CCNH: variants seen among roughly 807,000 people sequenced by gnomAD.
The protein encoded by CCNH is cyclin-H.
In CCNH, 31 loss-of-function variants were observed where a neutral mutation model predicts 41.9. The ratio of observed to expected loss-of-function variants is 0.74; its 90% CI spans 0.56 to 1.00. The LOEUF is 1.00. Among genes scored for constraint, CCNH ranks in the 50% least tolerant of loss-of-function variants. The probability of loss-of-function intolerance (pLI) is 0.00; values close to 1 mark genes in which losing one functional copy is unlikely to be tolerated. For missense variants in CCNH, 362 were observed against 388.4 expected (o/e 0.93, Z 0.57); for synonymous variants, 138 against 136.1 (o/e 1.01, Z -0.10).
At chr5:87,313,414 G>A in the CCNH span, among the ~76,000 whole-genome samples, 3 of 152,134 alleles carry the variant, frequency 2.0e-5, no homozygotes, top group African/African-American at 4.8e-5. Context: ...GTGAGAAATA[G>A]CTTGAATGGG....
chr5:87,375,987 C>T (rs1761298669), downstream of CCNH, among the ~76,000 whole-genome samples: 1 of 152,146 alleles, frequency 6.6e-6, no homozygotes, highest in African/African-American at 2.4e-5. Flanking sequence ...CTTAGCTACA[C>T]CTCTAGATCT....
intron 9 of CCNH, chr5:87,353,151 T>C: frequency 6.2e-7 from 1 of 1,602,980 alleles, no homozygotes; most frequent in Non-Finnish European, 8.5e-7. Context: ...ATTTTTATTT[T>C]AACAGCATTG....
chr5:87,354,335 G>A (rs1759495715), intron 9 of CCNH, among the ~76,000 whole-genome samples: 1 of 152,016 alleles, frequency 6.6e-6, no homozygotes, highest in Non-Finnish European at 1.5e-5. Flanking sequence ...TCCAAAGCAG[G>A]TGCTCATTTG....
At chr5:87,368,666 C>T (rs1760707174) in intron 9 of CCNH, among the ~76,000 whole-genome samples, 1 of 152,128 alleles carries the variant, frequency 6.6e-6, no homozygotes, top group African/African-American at 2.4e-5. Context: ...GAAATTCATT[C>T]TTTTTTCTCC....
At chr5:87,353,317 A>G in intron 9 of CCNH, 2 of 1,108,674 alleles carry the variant, frequency 1.8e-6, no homozygotes. Context: ...ACACATTTGT[A>G]CAATTCAAAT....
chr5:87,362,747 A>G (rs955397091), intron 9 of CCNH: 3 of 1,494,538 alleles, frequency 2.0e-6, no homozygotes. Flanking sequence ...ATTGTGATAT[A>G]TATTTAATAA....
downstream of CCNH, among the ~76,000 whole-genome samples, chr5:87,315,000 G>T (rs1756213462): frequency 6.6e-6 from 1 of 152,086 alleles, no homozygotes; most frequent in Admixed American, 6.5e-5. Context: ...CTTTTTGAGG[G>T]CATTATATTT....
intron 9 of CCNH, among the ~76,000 whole-genome samples, chr5:87,324,741 C>A (rs1757097239): frequency 6.6e-6 from 1 of 152,042 alleles, no homozygotes; most frequent in Non-Finnish European, 1.5e-5. Context: ...CCTCTTCTCC[C>A]CTTCCTCAAG....
intron 9 of CCNH, among the ~76,000 whole-genome samples, chr5:87,338,536 A>ATATATATTTTTTTTTTTTTT: frequency 2.3e-5 from 2 of 85,220 alleles, no homozygotes; most frequent in African/African-American, 8.8e-5. Flanking sequence ...TATATATAAA[A>ATATATATTTTTTTTTTTTTT]TTTTTTTTTT....
intron 9 of CCNH, among the ~76,000 whole-genome samples, chr5:87,342,927 G>C (rs1317832443): frequency 6.6e-6 from 1 of 152,064 alleles, no homozygotes; most frequent in Non-Finnish European, 1.5e-5. Context: ...TTTTCTCATA[G>C]TATAAAATAT....
At chr5:87,385,415 TG>T in intron 9 of CCNH, 1 of 1,510,072 alleles carries the variant, frequency 6.6e-7, no homozygotes, top group African/African-American at 1.4e-5. Flanking sequence ...TACTTTAAAA[TG>T]TAATTTATGA....
At chr5:87,340,259 G>C (rs942724890) in intron 9 of CCNH, among the ~76,000 whole-genome samples, 1 of 152,014 alleles carries the variant, frequency 6.6e-6, no homozygotes, top group Non-Finnish European at 1.5e-5. Context: ...TGCCTTTCTG[G>C]AGTCTCTTAG....
At chr5:87,404,185 T>G (rs1763623647) in intron 5 of CCNH, among the ~76,000 whole-genome samples, 1 of 152,200 alleles carries the variant, frequency 6.6e-6, no homozygotes, top group Non-Finnish European at 1.5e-5. Flanking sequence ...ATGTCTGTAA[T>G]CAGGAATATT....
rs1332666017 is a variant in CCNH at position 87,396,699 on chromosome 5, T to C, written c.873-1595A>G. On this transcript the variant is annotated intron_variant, in intron 7 of 8. Transcript: ENST00000256897. ...GCAATACAGATGAAATATAAGTGAC[T>C]GTTAAGTATGGAAAGTTCAATGTCC... Among the ~76,000 whole-genome samples, 3 of 152,076 alleles carry C rather than the reference T, an allele frequency of 2.0e-5. No homozygotes were observed. In the East Asian group the frequency reaches 5.8e-4, roughly 29 times the overall value.
At chr5:87,336,558 G>A (rs1437566987) in intron 9 of CCNH, among the ~76,000 whole-genome samples, 1 of 152,006 alleles carries the variant, frequency 6.6e-6, no homozygotes, top group Non-Finnish European at 1.5e-5. Context: ...AAATAATATA[G>A]AATGAGTTAT....
intron 8 of CCNH, 58 bp from the exon 9 acceptor site, chr5:87,394,542 C>T: frequency 6.3e-7 from 1 of 1,597,684 alleles, no homozygotes; most frequent in East Asian, 2.2e-5. Flanking sequence ...GTATTGTTTA[C>T]CTCTTACCTC....
chr5:87,332,548 G>A, intron 9 of CCNH: 1 of 1,607,734 alleles, frequency 6.2e-7, no homozygotes, highest in Non-Finnish European at 8.5e-7. Context: ...GGTGGAAGAC[G>A]TTTTTCTTCA....
chr5:87,357,704 C>A (rs1324079934), intron 9 of CCNH, among the ~76,000 whole-genome samples: 2 of 149,888 alleles, frequency 1.3e-5, no homozygotes, highest in Non-Finnish European at 3.0e-5. Flanking sequence ...GATTCCATCT[C>A]AAAAAAAAAG....
chr5:87,393,073 A>AG (rs199781768), downstream of CCNH, among the ~76,000 whole-genome samples: 1,122 of 151,704 alleles, frequency 7.4e-3, 18 homozygotes, highest in African/African-American at 0.025. Context: ...CTCTGGAATG[A>AG]GAAAAAAAAA....
Sources: gnomAD v4.1 joint callset for allele counts (sites outside exome capture counted in the v4.1 genomes callset) on GRCh38, gnomAD v4.1.1 for gene constraint, MANE v1.5 for transcripts, NCBI Gene and HGNC (gene_info 2026-07-23, HGNC 2026-07-21) for gene names.